The following MGLL variants were observed in gnomAD, a reference collection of about 807,000 sequenced individuals.
MGLL encodes the protein monoglyceride lipase.
A neutral mutation model predicts 29.1 loss-of-function variants in MGLL; 7 were observed. The ratio of observed to expected loss-of-function variants is 0.24; its 90% CI spans 0.14 to 0.45. The LOEUF (loss-of-function observed/expected upper bound fraction) is 0.45. MGLL is among the 20% of genes least tolerant of loss of function. The probability of loss-of-function intolerance (pLI) is 0.99; values close to 1 mark genes in which losing one functional copy is unlikely to be tolerated. For synonymous variants in MGLL, 148 were observed against 168.3 expected, an observed-to-expected ratio of 0.88 and a Z score of 0.93; for missense variants, 356 against 413.6, an observed-to-expected ratio of 0.86 and a Z score of 1.21.
intron 3 of MGLL, among the ~76,000 whole-genome samples, chr3:127,762,552 C>G (rs887256216): frequency 6.6e-6 from 1 of 152,172 alleles, no homozygotes; most frequent in African/African-American, 2.4e-5. Context: ...TGCACAGAAC[C>G]TGGTTCTGGG....
Position 127,695,411 on chromosome 3 carries a change from C to G in MGLL, c.601-221G>C, listed in dbSNP as rs967837834. ...CTTTCAGGCTTGAGGGTTTCACATA[C>G]ACATGGGTGCCTGTAGAAAATGTCA... On this transcript the variant is annotated intron_variant, in intron 6 of 7. Coordinates refer to ENST00000265052, the MANE Select transcript of MGLL (RefSeq NM_007283.7). Among the ~76,000 whole-genome samples the G allele has an allele frequency of 3.3e-4, 50 of 152,210 alleles. 1 individual carries two copies. Among genetic ancestry groups the G allele is most frequent in the Admixed American group, 2.6e-4 (4 of 15,280 alleles).
In MGLL at chr3:127,710,650, C is replaced by T. The variant is rs1294428481; in HGVS notation, c.526G>A (p.Val176Met). Residue 176 changes from valine (V) to methionine (M), a missense_variant, in exon 6 of 8, where the codon GTG (valine) becomes ATG (methionine). By Grantham distance (21) the Val-to-Met change is conservative (BLOSUM62 1). Transcript: ENST00000265052. ...ATTFKVLAAKVLNLVLPNLSL... is the reference protein window; with the variant it reads ...ATTFKVLAAKMLNLVLPNLSL... ...AAGTTTGGCAGCACAAGGTTGAGCA[C>T]TTTCGCAGCAAGGACCTAGCCGGGG... 6.4e-7 allele frequency: 1 copy of T among 1,571,644 alleles called. No individual in the cohort carries two copies. The highest frequency in any genetic ancestry group is 2.3e-5 in the East Asian group (1 of 43,096).
At chr3:127,765,566 T>C (rs2107687177) in intron 3 of MGLL, among the ~76,000 whole-genome samples, 1 of 152,340 alleles carries the variant, frequency 6.6e-6, no homozygotes, top group East Asian at 1.9e-4. Flanking sequence ...TCAGTGAAGC[T>C]GAGTGAACAA....
intron 3 of MGLL, chr3:127,736,488 A>T: frequency 2.9e-6 from 1 of 349,878 alleles, no homozygotes; most frequent in Non-Finnish European, 4.0e-6. Context: ...AGCTTCATGC[A>T]TCCCTGCCCA....
chr3:127,801,564 C>T (rs183139794), intron 2 of MGLL, among the ~76,000 whole-genome samples: 31 of 151,708 alleles, frequency 2.0e-4, no homozygotes, highest in Admixed American at 1.3e-3. Flanking sequence ...TGCAGTGAGC[C>T]GAGATCGCAC....
At chr3:127,788,464 AAAT>A (rs1187313174) in intron 2 of MGLL, among the ~76,000 whole-genome samples, 1 of 152,142 alleles carries the variant, frequency 6.6e-6, no homozygotes, top group Non-Finnish European at 1.5e-5. Context: ...CACTGTAATT[AAAT>A]AATAAGACAA....
At chr3:127,772,078 T>C (rs943690203) in intron 3 of MGLL, among the ~76,000 whole-genome samples, 2 of 152,242 alleles carry the variant, frequency 1.3e-5, no homozygotes, top group African/African-American at 4.8e-5. Context: ...AAAGAAAACC[T>C]GCGTTTATCA....
At chr3:127,728,455 A>G (rs1438490040) in intron 3 of MGLL, among the ~76,000 whole-genome samples, 1 of 152,188 alleles carries the variant, frequency 6.6e-6, no homozygotes, top group Non-Finnish European at 1.5e-5. Flanking sequence ...ATCCTACTCT[A>G]GAAACAGTCT....
intron 3 of MGLL, among the ~76,000 whole-genome samples, chr3:127,762,450 C>A (rs151233870): frequency 2.9e-4 from 44 of 152,298 alleles, no homozygotes; most frequent in African/African-American, 9.4e-4. Flanking sequence ...CCTGACCCTA[C>A]CTATTTTAAA....
At chr3:127,715,483 G>C in intron 5 of MGLL, 1 of 349,742 alleles carries the variant, frequency 2.9e-6, no homozygotes, top group South Asian at 2.2e-5. Context: ...CAAGAAAGAG[G>C]AGAGCTGCCA....
At chr3:127,793,678 C>T (rs1458663935) in intron 2 of MGLL, among the ~76,000 whole-genome samples, 1 of 152,208 alleles carries the variant, frequency 6.6e-6, no homozygotes. Flanking sequence ...TGTCCTGCCT[C>T]AGCCTCCTAA....
At chr3:127,741,640 G>A (rs921575056) in intron 3 of MGLL, among the ~76,000 whole-genome samples, 4 of 152,232 alleles carry the variant, frequency 2.6e-5, no homozygotes, top group Non-Finnish European at 5.9e-5. Context: ...TCCTTGCTCA[G>A]TCAACATCCC....
At chr3:127,811,908 C>A (rs1195321771) in intron 2 of MGLL, among the ~76,000 whole-genome samples, 1 of 152,252 alleles carries the variant, frequency 6.6e-6, no homozygotes, top group East Asian at 1.9e-4. Context: ...CTGGGAGCAA[C>A]AGAAGACCCA....
At position 127,761,441 on chromosome 3, in the gene MGLL, T is replaced by A. The variant is rs1165730867; in HGVS notation, c.262+20348A>T. On this transcript the variant is annotated intron_variant, in intron 3 of 7. Transcript: ENST00000265052. This position sits in a 1 kb window ranked among gnomAD's most constrained non-coding sequence, Gnocchi z 4.6. ...GGGCTCCTCCTTCTCCAGCAAGCAG[T>A]ACTAACCTCCACAGCCAGGGTGGAA... Among the ~76,000 whole-genome samples the A allele has an allele frequency of 6.6e-6, 1 of 152,142 alleles. No individual in the cohort carries two copies. Among genetic ancestry groups the A allele is most frequent in the Non-Finnish European group, 1.5e-5 (1 of 68,022 alleles).
intron 3 of MGLL, among the ~76,000 whole-genome samples, chr3:127,726,155 AGAAAG>A (rs1469593739): frequency 3.5e-5 from 1 of 28,622 alleles, no homozygotes; most frequent in East Asian, 6.6e-4. Context: ...AAAGAAAGAA[AGAAAG>A]AAAGAAAGAA....
At chr3:127,726,194 G>GAAAAGA (rs1362461621) in intron 3 of MGLL, among the ~76,000 whole-genome samples, 4 of 75,090 alleles carry the variant, frequency 5.3e-5, no homozygotes, top group South Asian at 4.2e-4. Context: ...GAAAAGAAAA[G>GAAAAGA]AAAGAAAGAA....
chr3:127,781,502 T>C (rs1559966071), intron 3 of MGLL, among the ~76,000 whole-genome samples: 3 of 152,232 alleles, frequency 2.0e-5, no homozygotes, highest in Non-Finnish European at 4.4e-5. Flanking sequence ...GAAAGCACTT[T>C]ATAAATGCAG....
intron 2 of MGLL, among the ~76,000 whole-genome samples, chr3:127,803,645 AT>A (rs1477708877): frequency 2.0e-5 from 3 of 152,176 alleles, no homozygotes; most frequent in African/African-American, 7.2e-5. Flanking sequence ...AACCCTGCAC[AT>A]TTACTAGCTG....
intron 3 of MGLL, among the ~76,000 whole-genome samples, chr3:127,748,175 T>C (rs777362329): frequency 1.2e-3 from 176 of 152,282 alleles, no homozygotes; most frequent in Middle Eastern, 6.8e-3. Flanking sequence ...AGGGCTGGTT[T>C]AATATTTTTC....
Sources: gnomAD v4.1 joint callset for allele counts (sites outside exome capture counted in the v4.1 genomes callset) on GRCh38, gnomAD v4.1.1 for gene constraint, Gnocchi (gnomAD v3.1) non-coding constraint, MANE v1.5 for transcripts, NCBI Gene and HGNC (gene_info 2026-07-23, HGNC 2026-07-21) for gene names.